OVCH2: variants seen among roughly 807,000 people sequenced by gnomAD.
The protein encoded by OVCH2 is ovochymase 2.
OVCH2 carries 88 observed loss-of-function variants against 73.7 expected under a neutral mutation model. The observed-to-expected ratio is 1.19, with a 90% CI of 1.01 to 1.43. The LOEUF (loss-of-function observed/expected upper bound fraction) is 1.43. Among genes scored for constraint, OVCH2 ranks in the 40% most tolerant of loss-of-function variants. OVCH2 has a pLI of 0.00. For synonymous variants in OVCH2, 265 were observed against 234.5 expected (o/e 1.13, Z -1.19); for missense variants, 706 against 674.5 (o/e 1.05, Z -0.52).
the OVCH2 span, among the ~76,000 whole-genome samples, chr11:7,682,554 T>C: frequency 6.6e-6 from 1 of 152,334 alleles, no homozygotes; most frequent in South Asian, 2.1e-4. Context: ...AGTATAGAGA[T>C]GTAGAAAACA....
intron 4 of OVCH2, 150 bp downstream of exon 4, chr11:7,702,007 C>T: frequency 1.2e-6 from 1 of 849,374 alleles, no homozygotes; most frequent in Non-Finnish European, 1.8e-6. Context: ...TCCAGAACCA[C>T]AAGCAAAAAG....
At position 7,691,381 on chromosome 11, in the gene OVCH2, A is replaced by G. The variant is rs769624803; in HGVS notation, c.1527T>C (p.Asp509=). ...AGGGGCTCAGCACAGGGGTGGGGAC[A>G]TCATAGCCACACAGCCGAGCTTGTT... is the stretch of plus-strand genomic sequence containing the variant. ...KKEIARLCGY[D]VPTPVLSPSS... The change falls in exon 14 of 16, where the codon GAT becomes GAC. Residue 509 remains aspartate, a synonymous_variant. Transcript: ENST00000533663. 1 of 1,613,196 alleles carries G rather than the reference A, an allele frequency of 6.2e-7. No individual in the cohort carries two copies. Among genetic ancestry groups the G allele is most frequent in the Non-Finnish European group, 8.5e-7 (1 of 1,179,472 alleles).
chr11:7,694,891 C>T (rs1856297253), intron 12 of OVCH2, among the ~76,000 whole-genome samples, 167 bp downstream of exon 12: 1 of 148,218 alleles, frequency 6.7e-6, no homozygotes, highest in Admixed American at 6.9e-5. Flanking sequence ...CTGGGCGGAT[C>T]CATTATTCAG....
the OVCH2 span, among the ~76,000 whole-genome samples, chr11:7,679,811 T>G: frequency 6.6e-6 from 1 of 152,216 alleles, no homozygotes; most frequent in African/African-American, 2.4e-5. Flanking sequence ...GAAAGATGAA[T>G]TGCCCACCAA....
At chr11:7,691,875 G>A in intron 13 of OVCH2, 27 bp downstream of exon 13, 1 of 1,524,820 alleles carries the variant, frequency 6.6e-7, no homozygotes, top group Non-Finnish European at 8.9e-7. Context: ...ACAAACCAGA[G>A]CGAGCTGAGG....
At position 7,701,824 on chromosome 11, in the gene OVCH2, G is replaced by T; in HGVS notation, c.464-13C>A. The T allele has an allele frequency of 6.3e-7, 1 of 1,595,008 alleles. No homozygotes were observed. Among genetic ancestry groups the T allele is most frequent in the Non-Finnish European group, 8.6e-7 (1 of 1,168,556 alleles). ...CCCACAAAGTGGCCTGAAGAAAAGAGCAAGGTAGGGCTTGTCTCATTCATG... is the reference window on the plus strand; with the variant it reads ...CCCACAAAGTGGCCTGAAGAAAAGATCAAGGTAGGGCTTGTCTCATTCATG... On this transcript the variant is annotated splice_polypyrimidine_tract_variant and intron_variant, in intron 4 of 15. Coordinates refer to ENST00000533663, the MANE Select transcript of OVCH2 (RefSeq NM_198185.7).
Position 7,702,172 on chromosome 11 carries a change from C to T in OVCH2, c.448G>A (p.Gly150Arg), listed in dbSNP as rs1256965784. The change falls in exon 4 of 16, where the codon GGA becomes AGA. Residue 150 changes from glycine (G) to arginine (R), a missense_variant. By Grantham distance (125) the Gly-to-Arg change is moderately radical. Coordinates refer to ENST00000533663, the MANE Select transcript of OVCH2 (RefSeq NM_198185.7). The part of the protein sequence containing the change: ...DYDIALLKMA[G>R]AFQFGHFVGP... ...AAATGTTTACCAAATTGGAAGGCTC[C>T]AGCCATCTTCAAAAGGGCAATATCA... is the stretch of plus-strand genomic sequence containing the variant. 6.2e-7 allele frequency: 1 copy of T among 1,610,900 alleles called. No individual in the cohort carries two copies. Among genetic ancestry groups the T allele is most frequent in the Non-Finnish European group, 8.5e-7 (1 of 1,178,214 alleles).
chr11:7,681,760 A>T, the OVCH2 span, among the ~76,000 whole-genome samples: 1 of 150,934 alleles, frequency 6.6e-6, no homozygotes, highest in Non-Finnish European at 1.5e-5. Flanking sequence ...CCAGTGGAGA[A>T]TTCCACCTGC....
At chr11:7,698,879 C>G (rs4367936) in intron 7 of OVCH2, 106 bp from the exon 8 acceptor site, 7 of 1,183,644 alleles carry the variant, frequency 5.9e-6, no homozygotes, top group Non-Finnish European at 8.5e-6. Context: ...AGTCAATATG[C>G]AACTAATAAA....
At chr11:7,684,402 T>C in the OVCH2 span, among the ~76,000 whole-genome samples, 1 of 151,822 alleles carries the variant, frequency 6.6e-6, no homozygotes, top group African/African-American at 2.4e-5. Context: ...CCAACAGAGC[T>C]GAGGACCTGG....
the OVCH2 span, among the ~76,000 whole-genome samples, chr11:7,683,739 C>T: frequency 6.6e-6 from 1 of 152,194 alleles, no homozygotes; most frequent in African/African-American, 2.4e-5. Flanking sequence ...GACCTCCTGG[C>T]TGGCTTTCGT....
At position 7,695,602 on chromosome 11, in the gene OVCH2, G is replaced by A. The variant is rs1380027625; in HGVS notation, c.1250C>T (p.Thr417Ile). 7 of 1,613,534 alleles carry A rather than the reference G, an allele frequency of 4.3e-6. No homozygotes were observed. In the African/African-American group the frequency reaches 5.3e-5, roughly 12 times the overall value. Residue 417 changes from threonine to isoleucine, a missense_variant, in exon 11 of 16, where the codon ACC (threonine) becomes ATC (isoleucine). Thr to Ile is a moderately conservative substitution (Grantham distance 89, BLOSUM62 -1). Transcript: ENST00000533663. The stretch of plus-strand genomic sequence containing the variant: ...GTAGTTTGGTTTAAGAGCTTTATAG[G>A]TAAGATTAAACCCAGCTGCATTATC... ...ATDNAAGFNL[T>I]YKALKPNYIP...
intron 12 of OVCH2, among the ~76,000 whole-genome samples, 178 bp from the exon 13 acceptor site, chr11:7,692,173 C>CT (rs1856235659): frequency 6.6e-6 from 1 of 152,194 alleles, no homozygotes; most frequent in Non-Finnish European, 1.5e-5. Context: ...ATCACAGGCT[C>CT]TAACTTTTTG....
At chr11:7,681,598 G>C in the OVCH2 span, among the ~76,000 whole-genome samples, 1 of 151,122 alleles carries the variant, frequency 6.6e-6, no homozygotes, top group South Asian at 2.1e-4. Flanking sequence ...AATGATACTA[G>C]TCAATTACTT....
chr11:7,695,011 A>G (rs1856299626), intron 12 of OVCH2, 47 bp downstream of exon 12: 1 of 1,529,072 alleles, frequency 6.5e-7, no homozygotes, highest in Non-Finnish European at 8.8e-7. Flanking sequence ...TATGTTAGCT[A>G]TTCTGTGAAT....
chr11:7,695,699 C>G lies in OVCH2; in HGVS notation c.1153G>C (p.Gly385Arg). ...AGAATGGATGAAGGGAGGCTTTCTC[C>G]ACAAAATTTTCCTGCAGGATGAGAA... ...LEDRPIGKFC[G>R]ESLPSSILIG... is the part of the protein sequence containing the mutation. The change falls in exon 11 of 16, where the codon GGA (glycine) becomes CGA (arginine). Residue 385 changes from glycine (G) to arginine (R), a missense_variant. Gly to Arg is a moderately radical substitution (Grantham distance 125). Transcript: ENST00000533663. 6.3e-7 allele frequency: 1 copy of G among 1,586,194 alleles called. No individual in the cohort carries two copies. The highest frequency in any genetic ancestry group is 1.1e-5 in the South Asian group (1 of 90,188).
chr11:7,693,857 T>C (rs1856268345), intron 12 of OVCH2, among the ~76,000 whole-genome samples: 1 of 152,210 alleles, frequency 6.6e-6, no homozygotes, highest in Admixed American at 6.5e-5. Context: ...CATCTAATTA[T>C]TCTCCCTTTT....
At chr11:7,701,168 T>A (rs1395806225) in intron 6 of OVCH2, among the ~76,000 whole-genome samples, 156 bp downstream of exon 6, 1 of 152,180 alleles carries the variant, frequency 6.6e-6, no homozygotes, top group East Asian at 1.9e-4. Context: ...AACTAACTAT[T>A]TGACCCTTAT....
In OVCH2 at chr11:7,701,415, C is replaced by T. The variant is rs1856434794; in HGVS notation, c.620G>A (p.Cys207Tyr). The change falls in exon 6 of 16, where the codon TGT becomes TAT. Residue 207 changes from cysteine (C) to tyrosine (Y), a missense_variant. Coordinates refer to ENST00000533663, the MANE Select transcript of OVCH2 (RefSeq NM_198185.7). ...VNLPILTWEE[C>Y]VAALLTLKRP... ...CTTTAGTGTTAACAGAGCTGCCACA[C>T]ACTCTTCCCAGGTCAAAATAGGCAG... The T allele has an allele frequency of 2.5e-6, 4 of 1,612,698 alleles. No individual in the cohort carries two copies. The highest frequency in any genetic ancestry group is 1.7e-5 in the Admixed American group (1 of 59,854).
Sources: allele counts gnomAD v4.1 joint callset (sites outside exome capture counted in the v4.1 genomes callset), GRCh38; gene constraint gnomAD v4.1.1; transcripts MANE v1.5; gene names NCBI Gene and HGNC (gene_info 2026-07-23, HGNC 2026-07-21).